CSMD1: variants seen among roughly 807,000 people sequenced by gnomAD.
The protein encoded by CSMD1 is CUB and Sushi multiple domains 1.
In CSMD1, 213 loss-of-function variants were observed where a neutral mutation model predicts 417.5. That is an observed-to-expected ratio of 0.51 (90% CI 0.46 to 0.57). The LOEUF (loss-of-function observed/expected upper bound fraction) is 0.57, where lower values mean the gene tolerates loss of function less well. Among genes scored for constraint, CSMD1 ranks in the 20% least tolerant of loss-of-function variants. The pLI, the probability that CSMD1 is intolerant of heterozygous loss-of-function variation, is 0.00. For missense variants in CSMD1, 6,923 were observed against 4,529.7 expected (o/e 1.53, Z -15.17); for synonymous variants, 2,862 against 1,736.8 (o/e 1.65, Z -16.11).
At chr8:3,750,511 T>G (rs1797283064) in intron 6 of CSMD1, among the ~76,000 whole-genome samples, 1 of 152,156 alleles carries the variant, frequency 6.6e-6, no homozygotes, top group African/African-American at 2.4e-5. Flanking sequence ...GCTTTTTTTT[T>G]GTTTCGCAAT....
Position 3,094,820 on chromosome 8 carries a change from A to G in CSMD1, c.7138+2029T>C, listed in dbSNP as rs1554510843. On this transcript the variant is annotated intron_variant, in intron 47 of 69. Transcript: ENST00000635120. ...TCTTACAAAAAAAAAAAAAAAAAAA[A>G]GAGAGAGAGAAAGAGACAGAAAGAT... Among the ~76,000 whole-genome samples the G allele has an allele frequency of 4.3e-3, 617 of 143,640 alleles. 4 individuals carry two copies. The highest frequency in any genetic ancestry group is 0.015 in the African/African-American group (590 of 38,490). The allele number at this position is 143,640 out of a possible 152,430, so 94.2% of individuals were successfully genotyped here. A position where few individuals can be genotyped will look rare whatever the true frequency, so the allele number is the denominator to read the frequency against.
At chr8:3,413,922 T>C (rs530139257) in intron 12 of CSMD1, among the ~76,000 whole-genome samples, 2 of 152,028 alleles carry the variant, frequency 1.3e-5, no homozygotes, top group African/African-American at 4.8e-5. Flanking sequence ...GATGATCACT[T>C]GAGATCATGA....
intron 29 of CSMD1, among the ~76,000 whole-genome samples, chr8:3,216,999 G>C (rs1288854275): frequency 2.6e-5 from 4 of 152,124 alleles, no homozygotes; most frequent in South Asian, 2.1e-4. Context: ...CTTGAGGCTG[G>C]ATGCAATGGC....
At chr8:3,004,539 T>C (rs1158299775) in intron 52 of CSMD1, among the ~76,000 whole-genome samples, 1 of 152,240 alleles carries the variant, frequency 6.6e-6, no homozygotes. Context: ...AAGAATGCTA[T>C]GCAACTGTAA....
intron 37 of CSMD1, among the ~76,000 whole-genome samples, chr8:3,172,437 G>A (rs190207048): frequency 6.6e-6 from 1 of 152,062 alleles, no homozygotes; most frequent in Admixed American, 6.5e-5. Flanking sequence ...CCGCCAATTT[G>A]CTTCAAGGTG....
chr8:3,945,896 A>C (rs1441702864), intron 5 of CSMD1, among the ~76,000 whole-genome samples: 5 of 152,136 alleles, frequency 3.3e-5, no homozygotes, highest in Admixed American at 2.6e-4. Context: ...GAACGTACTG[A>C]CTATTCACTC....
At chr8:4,492,032 AAAAAAAAAAG>A (rs1361152883) in intron 2 of CSMD1, among the ~76,000 whole-genome samples, 1 of 119,682 alleles carries the variant, frequency 8.4e-6, no homozygotes, top group African/African-American at 3.3e-5. Context: ...ATTATTCAGC[AAAAAAAAAAG>A]AAAAAAAAAG....
chr8:3,977,511 C>G (rs560407611), intron 5 of CSMD1, among the ~76,000 whole-genome samples: 1 of 152,076 alleles, frequency 6.6e-6, no homozygotes, highest in African/African-American at 2.4e-5. Context: ...AGGTAATTTG[C>G]TTTGACAGTT....
At chr8:3,526,425 T>A (rs1216440132) in intron 10 of CSMD1, among the ~76,000 whole-genome samples, 1 of 152,106 alleles carries the variant, frequency 6.6e-6, no homozygotes, top group Non-Finnish European at 1.5e-5. Flanking sequence ...GGCCTAAAGT[T>A]AGTATGCAGT....
At chr8:3,303,951 TATA>T (rs1323744767) in intron 25 of CSMD1, among the ~76,000 whole-genome samples, 1 of 74,866 alleles carries the variant, frequency 1.3e-5, no homozygotes, top group Non-Finnish European at 3.3e-5. Context: ...TGCGCCCCAT[TATA>T]ATAACTATTT....
rs577189035 is a variant in CSMD1 at position 3,855,182 on chromosome 8, C to CAG, written c.819-101141_819-101140insCT. The stretch of plus-strand genomic sequence containing the variant: ...TTAAGACAAATTACTTTCAATATAA[C>CAG]AAAGATGTATTATTAAAACTAATGG... On this transcript the variant is annotated intron_variant, in intron 5 of 69. Transcript: ENST00000635120. 3.7e-3 allele frequency among the ~76,000 whole-genome samples: 557 copies of CAG among 152,204 alleles called. 2 individuals carry two copies. Among genetic ancestry groups the CAG allele is most frequent in the African/African-American group, 7.3e-3 (303 of 41,528 alleles).
At chr8:4,735,675 G>T (rs1262940936) in intron 1 of CSMD1, among the ~76,000 whole-genome samples, 1 of 152,170 alleles carries the variant, frequency 6.6e-6, no homozygotes, top group Non-Finnish European at 1.5e-5. Context: ...CCATGTGCCA[G>T]ACACTTATTT....
intron 1 of CSMD1, among the ~76,000 whole-genome samples, chr8:4,773,468 G>C (rs986029037): frequency 6.6e-6 from 1 of 152,148 alleles, no homozygotes; most frequent in African/African-American, 2.4e-5. Context: ...GAGCAGCACA[G>C]AGATTCTTTG....
At chr8:3,304,066 A>C (rs1804622528) in intron 25 of CSMD1, among the ~76,000 whole-genome samples, 1 of 152,200 alleles carries the variant, frequency 6.6e-6, no homozygotes, top group Non-Finnish European at 1.5e-5. Context: ...AATTGGCCTA[A>C]AGTAAAATAT....
intron 54 of CSMD1, among the ~76,000 whole-genome samples, chr8:2,990,830 G>A (rs889696669): frequency 2.0e-5 from 3 of 152,202 alleles, no homozygotes; most frequent in African/African-American, 4.8e-5. Flanking sequence ...AGCTATGCAA[G>A]GTATTGAGCA....
intron 3 of CSMD1, among the ~76,000 whole-genome samples, chr8:4,210,745 T>C (rs1178160662): frequency 6.6e-6 from 1 of 152,190 alleles, no homozygotes; most frequent in African/African-American, 2.4e-5. Flanking sequence ...ATCTTCAACA[T>C]ACTGAAATAT....
intron 11 of CSMD1, among the ~76,000 whole-genome samples, chr8:3,485,888 G>C (rs1266852889): frequency 6.6e-6 from 1 of 152,100 alleles, no homozygotes; most frequent in Non-Finnish European, 1.5e-5. Flanking sequence ...TATCCTGGTT[G>C]TGACATTTTA....
intron 5 of CSMD1, among the ~76,000 whole-genome samples, chr8:3,944,586 C>T (rs1183689896): frequency 1.3e-5 from 2 of 152,096 alleles, no homozygotes; most frequent in Non-Finnish European, 2.9e-5. Flanking sequence ...AAATACTTAT[C>T]ATGCAAATTC....
intron 4 of CSMD1, among the ~76,000 whole-genome samples, chr8:4,015,312 G>C (rs541978465): frequency 2.6e-5 from 4 of 152,086 alleles, no homozygotes; most frequent in African/African-American, 7.2e-5. Context: ...CCCATAAAAA[G>C]CATGACTTCT....
Sources: gnomAD v4.1 joint callset for allele counts (sites outside exome capture counted in the v4.1 genomes callset) on GRCh38, gnomAD v4.1.1 for gene constraint, MANE v1.5 for transcripts, NCBI Gene and HGNC (gene_info 2026-07-23, HGNC 2026-07-21) for gene names.